The following CNNM2 variants were observed in gnomAD, a reference collection of about 807,000 sequenced individuals.
CNNM2 encodes the protein cyclin and CBS domain divalent metal cation transport mediator 2.
Under a neutral mutation model 66.9 loss-of-function variants are expected in CNNM2, and 12 were observed. The observed-to-expected ratio is 0.18, with a 90% CI of 0.11 to 0.29. CNNM2 has a LOEUF of 0.29. CNNM2 is among the 10% of genes least tolerant of loss of function. CNNM2 has a pLI of 1.00. For missense variants in CNNM2, 705 were observed against 1,167.7 expected, an observed-to-expected ratio of 0.60 and a Z score of 5.77; for synonymous variants, 557 against 501.8, an observed-to-expected ratio of 1.11 and a Z score of -1.47.
chr10:103,050,361 GT>G (rs2065195619), intron 2 of CNNM2, among the ~76,000 whole-genome samples: 1 of 152,028 alleles, frequency 6.6e-6, no homozygotes, highest in Non-Finnish European at 1.5e-5. Context: ...GTGAAACCTT[GT>G]CTTTACTAAA....
chr10:102,995,618 A>G (rs1049235870), intron 1 of CNNM2, among the ~76,000 whole-genome samples: 1 of 150,842 alleles, frequency 6.6e-6, no homozygotes, highest in Admixed American at 6.6e-5. Context: ...TCAGAATTAG[A>G]TGCCCCTAGT....
intron 1 of CNNM2, among the ~76,000 whole-genome samples, chr10:102,932,419 A>G (rs575393940): frequency 1.2e-4 from 19 of 152,212 alleles, no homozygotes; most frequent in African/African-American, 4.3e-4. Flanking sequence ...ATCCAAGGTC[A>G]CAAAGATTTA....
intron 1 of CNNM2, among the ~76,000 whole-genome samples, chr10:102,959,795 G>A (rs1478046368): frequency 6.6e-6 from 1 of 152,158 alleles, no homozygotes; most frequent in Admixed American, 6.6e-5. Flanking sequence ...GCTCACACCT[G>A]TAATCCCAGC....
chr10:102,991,441 A>T (rs1257362040), intron 1 of CNNM2, among the ~76,000 whole-genome samples: 3 of 152,172 alleles, frequency 2.0e-5, no homozygotes, highest in Admixed American at 6.6e-5. Flanking sequence ...CTTTTGGGTT[A>T]CTTCCTTGCC....
At chr10:102,939,307 C>CT (rs1846345939) in intron 1 of CNNM2, among the ~76,000 whole-genome samples, 1 of 152,180 alleles carries the variant, frequency 6.6e-6, no homozygotes, top group Admixed American at 6.5e-5. Context: ...TTTCCTTTCT[C>CT]TTTTTACTGC....
Position 103,080,412 on chromosome 10 carries a change from C to T in CNNM2, c.*3232C>T, listed in dbSNP as rs2065746478. ...AAATTCAAAATCATACATTTAAACT[C>T]TTAGGAAAACAAAATCTTAAGACTT... On this transcript the variant is annotated 3_prime_UTR_variant, in exon 8 of 8. Coordinates refer to ENST00000369878, the MANE Select transcript of CNNM2 (RefSeq NM_017649.5). 1 of 152,246 alleles carries T rather than the reference C, an allele frequency of 6.6e-6. No homozygotes were observed. The highest frequency in any genetic ancestry group is 1.5e-5 in the Non-Finnish European group (1 of 68,044). 9.4% of individuals were successfully genotyped at this position (152,246 alleles called of 1,614,324 possible).
chr10:103,033,794 A>G (rs1008050149), intron 1 of CNNM2, among the ~76,000 whole-genome samples: 2 of 152,126 alleles, frequency 1.3e-5, no homozygotes, highest in East Asian at 3.9e-4. Flanking sequence ...CCTTCTACAC[A>G]TTTTTAAGAG....
intron 4 of CNNM2, among the ~76,000 whole-genome samples, chr10:103,057,831 T>G (rs2065320623): frequency 6.6e-6 from 1 of 152,250 alleles, no homozygotes; most frequent in Non-Finnish European, 1.5e-5. Context: ...TCCTTCTCAC[T>G]GTAACATAAT....
chr10:102,967,133 TTA>T (rs2134210719), intron 1 of CNNM2, among the ~76,000 whole-genome samples: 1 of 152,258 alleles, frequency 6.6e-6, no homozygotes, highest in South Asian at 2.1e-4. Context: ...AAAATTTCTT[TTA>T]GAGATAGGGG....
intron 1 of CNNM2, among the ~76,000 whole-genome samples, chr10:102,956,180 C>T (rs1410984887): frequency 1.0e-4 from 15 of 148,816 alleles, no homozygotes; most frequent in African/African-American, 9.9e-5. Flanking sequence ...CCCAGCTGCT[C>T]GGGAGGCTGA....
At position 102,934,084 on chromosome 10, in the gene CNNM2, TC is replaced by T. The variant is rs1437474921; in HGVS notation, c.1621+13985del. Among the ~76,000 whole-genome samples, 14 of 149,814 alleles carry T rather than the reference TC, an allele frequency of 9.3e-5. No homozygotes were observed. In the East Asian group the frequency reaches 2.4e-3, roughly 25 times the overall value. ...ATCTTGAACTCCTGGCCTTAAGCAA[TC>T]CTACTGCCTCAGCCTCCCAAAACAC... On this transcript the variant is annotated intron_variant, in intron 1 of 7. Transcript: ENST00000369878.
chr10:102,968,934 G>A (rs1590326508), intron 1 of CNNM2, among the ~76,000 whole-genome samples: 1 of 115,160 alleles, frequency 8.7e-6, no homozygotes, highest in Non-Finnish European at 1.7e-5. Flanking sequence ...TTTTTTTTGA[G>A]ACAGGGTCTC....
chr10:102,930,535 T>A (rs536005266), intron 1 of CNNM2, among the ~76,000 whole-genome samples: 1 of 152,358 alleles, frequency 6.6e-6, no homozygotes, highest in Non-Finnish European at 1.5e-5. Context: ...GGTTCTTTTT[T>A]AAAATTTTAA....
At chr10:102,947,477 G>A (rs756489093) in intron 1 of CNNM2, among the ~76,000 whole-genome samples, 2 of 152,196 alleles carry the variant, frequency 1.3e-5, no homozygotes, top group Non-Finnish European at 2.9e-5. Flanking sequence ...TGACTGCTGA[G>A]CACAGTGGCT....
chr10:103,027,290 T>C (rs2064726419), intron 1 of CNNM2: 3 of 152,216 alleles, frequency 2.0e-5, no homozygotes. Flanking sequence ...CTTAGGAAAA[T>C]ACAAAGTAGT....
chr10:103,074,765 T>C (rs896712349), intron 6 of CNNM2, among the ~76,000 whole-genome samples: 1 of 152,028 alleles, frequency 6.6e-6, no homozygotes, highest in African/African-American at 2.4e-5. Context: ...GCCCAGGAGG[T>C]TGAAGCTACA....
rs554613606 is a variant in CNNM2 at position 103,032,038 on chromosome 10, G to A, written c.1622-17669G>A. On this transcript the variant is annotated intron_variant, in intron 1 of 7. Transcript: ENST00000369878. ...TGAACTAGTCACTGCGGCAGTGGAG[G>A]GAGTGAGCACTGGGGCCTAGGGGGT... 7.2e-4 allele frequency among the ~76,000 whole-genome samples: 109 copies of A among 152,368 alleles called. 1 individual carries two copies. Among genetic ancestry groups the A allele is most frequent in the African/African-American group, 2.5e-3 (106 of 41,588 alleles).
chr10:102,945,100 A>G (rs1396320871), intron 1 of CNNM2, among the ~76,000 whole-genome samples: 1 of 151,914 alleles, frequency 6.6e-6, no homozygotes, highest in Non-Finnish European at 1.5e-5. Context: ...CCACAAACTC[A>G]CCCAAGGATT....
intron 6 of CNNM2, among the ~76,000 whole-genome samples, chr10:103,074,991 C>T (rs569932506): frequency 6.6e-6 from 1 of 152,298 alleles, no homozygotes; most frequent in African/African-American, 2.4e-5. Flanking sequence ...CCATCACTCT[C>T]TTCACCTATC....
Sources: allele counts gnomAD v4.1 joint callset (sites outside exome capture counted in the v4.1 genomes callset), GRCh38; gene constraint gnomAD v4.1.1; transcripts MANE v1.5; gene names NCBI Gene and HGNC (gene_info 2026-07-23, HGNC 2026-07-21).